Variants in SOX5 observed in about 807,000 individuals in gnomAD.
SOX5 encodes the protein transcription factor SOX-5.
A neutral mutation model predicts 92.0 loss-of-function variants in SOX5; 9 were observed. That is an observed-to-expected ratio of 0.10 (90% CI 0.06 to 0.17). SOX5 has a LOEUF of 0.17. SOX5 is among the 10% of genes least tolerant of loss of function. The pLI, the probability that SOX5 is intolerant of heterozygous loss-of-function variation, is 1.00. For synonymous variants in SOX5, 344 were observed against 336.3 expected (o/e 1.02, Z -0.25); for missense variants, 642 against 944.5 (o/e 0.68, Z 4.20).
rs115197130 is a variant in SOX5 at position 24,075,496 on chromosome 12, T to C, written c.-2+137847A>G. Reference sequence around the variant, plus strand: ...CGTAGGAAAAATGTAAAAAAATATTTAGTTCTAATGATAGTCACTGTAAAA... The same window carrying C: ...CGTAGGAAAAATGTAAAAAAATATTCAGTTCTAATGATAGTCACTGTAAAA... On this transcript the variant is annotated intron_variant, in intron 4 of 4. Coordinates refer to the SOX5 transcript ENST00000446891. 6.4e-3 allele frequency among the ~76,000 whole-genome samples: 974 copies of C among 152,256 alleles called. 12 individuals carry two copies. Among genetic ancestry groups the C allele is most frequent in the African/African-American group, 0.023 (941 of 41,558 alleles).
intron 6 of SOX5, among the ~76,000 whole-genome samples, chr12:23,705,589 G>A (rs1310102610): frequency 6.6e-6 from 1 of 151,916 alleles, no homozygotes; most frequent in African/African-American, 2.4e-5. Flanking sequence ...AAGATCTGAT[G>A]GGCTGCTGCT....
chr12:23,961,860 G>A (rs554136948), intron 4 of SOX5, among the ~76,000 whole-genome samples: 2 of 152,242 alleles, frequency 1.3e-5, no homozygotes, highest in Admixed American at 1.3e-4. Context: ...ATTAGAATAT[G>A]CTCTTCCACT....
At chr12:24,383,243 C>T (rs1958015214) in intron 1 of SOX5, among the ~76,000 whole-genome samples, 1 of 152,168 alleles carries the variant, frequency 6.6e-6, no homozygotes, top group African/African-American at 2.4e-5. Context: ...TTAAAAGATA[C>T]AGCAGAATTG....
In SOX5 at chr12:23,961,720, C is replaced by A. The variant is rs536547191; in HGVS notation, c.-1-65696G>T. Among the ~76,000 whole-genome samples, 252 of 152,238 alleles carry A rather than the reference C, an allele frequency of 1.7e-3. 2 individuals carry two copies. The highest frequency in any genetic ancestry group is 5.6e-3 in the African/African-American group (233 of 41,550). Reference sequence around the variant, plus strand: ...AAATGCTTCTTTTTCATTATTGTATCCTCAAGACTATTTCACAGCATTGTA... The same window carrying A: ...AAATGCTTCTTTTTCATTATTGTATACTCAAGACTATTTCACAGCATTGTA... On this transcript the variant is annotated intron_variant, in intron 4 of 4. Coordinates refer to the SOX5 transcript ENST00000446891.
At chr12:23,551,036 A>G (rs1013727975) in intron 11 of SOX5, among the ~76,000 whole-genome samples, 1 of 151,972 alleles carries the variant, frequency 6.6e-6, no homozygotes, top group African/African-American at 2.4e-5. Flanking sequence ...GAGATAGGCT[A>G]TGGATCAGCT....
In SOX5 at chr12:24,467,769, T is replaced by TG. The variant is rs535729699; in HGVS notation, c.-251+94559dup. ...ACCAACAGAGTGTCCAAGTTTGTCC[T>TG]GGGGGGTGGATAAACTGCCTGCTAT... is the stretch of plus-strand genomic sequence containing the variant. On this transcript the variant is annotated intron_variant, in intron 1 of 4. Transcript: ENST00000446891. Among the ~76,000 whole-genome samples the TG allele has an allele frequency of 1.4e-4, 22 of 152,224 alleles. No homozygotes were observed. The East Asian group carries it at 3.1e-3, about 21-fold the overall frequency.
At chr12:24,359,748 G>A (rs1955308535) in intron 2 of SOX5, among the ~76,000 whole-genome samples, 1 of 152,096 alleles carries the variant, frequency 6.6e-6, no homozygotes, top group South Asian at 2.1e-4. Flanking sequence ...AAGATTTTTT[G>A]TCATCAGCTT....
intron 1 of SOX5, among the ~76,000 whole-genome samples, chr12:23,905,443 T>C (rs1467549003): frequency 6.6e-6 from 1 of 152,182 alleles, no homozygotes; most frequent in Non-Finnish European, 1.5e-5. Context: ...ATGAGTAACA[T>C]AATAGCTGGG....
chr12:23,975,924 AT>A (rs1181240370), intron 4 of SOX5, among the ~76,000 whole-genome samples: 5 of 152,340 alleles, frequency 3.3e-5, no homozygotes, highest in Non-Finnish European at 5.9e-5. Flanking sequence ...TGTGTAAATT[AT>A]AATTAGTATA....
At chr12:24,384,059 C>T (rs893496359) in intron 1 of SOX5, among the ~76,000 whole-genome samples, 1 of 152,122 alleles carries the variant, frequency 6.6e-6, no homozygotes, top group Non-Finnish European at 1.5e-5. Context: ...TAAGATGTGC[C>T]TCTTCCTCTA....
At chr12:23,834,162 G>A (rs1009799381) in intron 3 of SOX5, among the ~76,000 whole-genome samples, 1 of 151,886 alleles carries the variant, frequency 6.6e-6, no homozygotes, top group Non-Finnish European at 1.5e-5. Context: ...AAATTCATCA[G>A]GTAGGTAAGA....
At chr12:24,363,845 A>G (rs1175616029) in intron 2 of SOX5, among the ~76,000 whole-genome samples, 1 of 152,178 alleles carries the variant, frequency 6.6e-6, no homozygotes, top group African/African-American at 2.4e-5. Flanking sequence ...GAAGTAGAGA[A>G]ATGTCCATGA....
chr12:23,657,092 T>C (rs2082398309), intron 7 of SOX5, among the ~76,000 whole-genome samples: 3 of 150,864 alleles, frequency 2.0e-5, no homozygotes, highest in African/African-American at 4.9e-5. Flanking sequence ...AAAGTTGCTG[T>C]AGTTCTTTCT....
chr12:24,324,787 GT>G (rs1950521722), intron 2 of SOX5, among the ~76,000 whole-genome samples: 1 of 152,014 alleles, frequency 6.6e-6, no homozygotes, highest in South Asian at 2.1e-4. Flanking sequence ...TTATCATGAA[GT>G]TTCAACGAAT....
chr12:23,763,044 T>G (rs1003783929), intron 3 of SOX5, among the ~76,000 whole-genome samples: 5 of 152,226 alleles, frequency 3.3e-5, no homozygotes, highest in African/African-American at 9.6e-5. Flanking sequence ...ATTGAAGAGC[T>G]AGTCCTCATG....
rs558832173 is a variant in SOX5 at position 24,252,395 on chromosome 12, C to T, written c.-77+24821G>A. Among the ~76,000 whole-genome samples, 7 of 152,082 alleles carry T rather than the reference C, an allele frequency of 4.6e-5. No homozygotes were observed. In the East Asian group the frequency reaches 1.4e-3, roughly 29 times the overall value. ...TTTACATAGAGAATGTGTTTGGTTT[C>T]ACAGGTAATTGGTAGCCTTAAGCAC... On this transcript the variant is annotated intron_variant, in intron 3 of 4. Coordinates refer to the SOX5 transcript ENST00000446891.
chr12:24,216,257 A>G (rs756706414), intron 3 of SOX5, among the ~76,000 whole-genome samples: 51 of 151,892 alleles, frequency 3.4e-4, no homozygotes, highest in Non-Finnish European at 6.8e-4. Context: ...GCCGAGGCGG[A>G]CGGATCACGA....
intron 1 of SOX5, among the ~76,000 whole-genome samples, chr12:23,913,442 C>T (rs1302266960): frequency 6.6e-6 from 1 of 151,548 alleles, no homozygotes; most frequent in East Asian, 1.9e-4. Context: ...TGTTCTAAAA[C>T]AAAGCACTGA....
intron 4 of SOX5, among the ~76,000 whole-genome samples, chr12:24,056,410 T>A (rs1375041131): frequency 6.6e-6 from 1 of 152,238 alleles, no homozygotes; most frequent in Admixed American, 6.5e-5. Flanking sequence ...TTGAAGTTTT[T>A]AAAAAGTCAG....
Sources: gnomAD v4.1 joint callset for allele counts (sites outside exome capture counted in the v4.1 genomes callset) on GRCh38, gnomAD v4.1.1 for gene constraint, MANE v1.5 for transcripts, NCBI Gene and HGNC (gene_info 2026-07-23, HGNC 2026-07-21) for gene names.